The following XXYLT1 variants were observed in gnomAD, a reference collection of about 807,000 sequenced individuals.
XXYLT1 encodes the protein UDP-xylose:alpha-xyloside alpha-1,3-xylosyltransferase.
XXYLT1 carries 20 observed loss-of-function variants against 28.9 expected under a neutral mutation model. That is an observed-to-expected ratio of 0.69 (90% CI 0.49 to 1.00). The LOEUF is 1.00. Among genes scored for constraint, XXYLT1 ranks in the 50% least tolerant of loss-of-function variants. XXYLT1 has a pLI of 0.00. For synonymous variants in XXYLT1, 257 were observed against 253.8 expected (o/e 1.01, Z -0.12); for missense variants, 542 against 560.1 (o/e 0.97, Z 0.33).
chr3:195,234,266 T>C (rs1380866065), intron 1 of XXYLT1, among the ~76,000 whole-genome samples: 1 of 147,748 alleles, frequency 6.8e-6, no homozygotes, highest in African/African-American at 2.6e-5. Flanking sequence ...ATCAAGCTTT[T>C]GTTTGTCTGG....
At chr3:195,123,401 T>C (rs761684011) in intron 3 of XXYLT1, among the ~76,000 whole-genome samples, 6 of 152,174 alleles carry the variant, frequency 3.9e-5, no homozygotes, top group Non-Finnish European at 7.3e-5. Context: ...TGTACCAATC[T>C]TCCCTCTCCT....
At chr3:195,192,469 A>G (rs1722466737) in intron 2 of XXYLT1, among the ~76,000 whole-genome samples, 1 of 152,200 alleles carries the variant, frequency 6.6e-6, no homozygotes, top group African/African-American at 2.4e-5. Context: ...CTTCAAAAAA[A>G]TCTTTCAGAA....
At chr3:195,189,133 C>T (rs1304276364) in intron 2 of XXYLT1, among the ~76,000 whole-genome samples, 1 of 143,680 alleles carries the variant, frequency 7.0e-6, no homozygotes, top group East Asian at 1.9e-4. Flanking sequence ...ATATTATTTC[C>T]ATTTATAGAG....
intron 2 of XXYLT1, among the ~76,000 whole-genome samples, chr3:195,224,545 G>A (rs1226680319): frequency 6.6e-6 from 1 of 152,182 alleles, no homozygotes; most frequent in Non-Finnish European, 1.5e-5. Context: ...TATAGCTGGA[G>A]GCAGAAGAAT....
intron 1 of XXYLT1, among the ~76,000 whole-genome samples, chr3:195,234,149 C>A (rs573261026): frequency 6.6e-6 from 1 of 151,630 alleles, no homozygotes; most frequent in South Asian, 2.1e-4. Flanking sequence ...GATCTCCTGA[C>A]CTTGTGATCC....
At chr3:195,155,479 C>T (rs1720531557) in intron 3 of XXYLT1, among the ~76,000 whole-genome samples, 1 of 152,124 alleles carries the variant, frequency 6.6e-6, no homozygotes, top group African/African-American at 2.4e-5. Flanking sequence ...CTCTCCAGGC[C>T]CAGGGCCACA....
rs578121558 is a variant in XXYLT1 at position 195,151,180 on chromosome 3, A to T, written c.785+5269T>A. On this transcript the variant is annotated intron_variant, in intron 3 of 3. Transcript: ENST00000310380. ...GCCAGATCACCTGCTGCTGCTAAAAAGGGAAGTTTTACAATCGTGGGTAGA... is the reference window on the plus strand; with the variant it reads ...GCCAGATCACCTGCTGCTGCTAAAATGGGAAGTTTTACAATCGTGGGTAGA... Among the ~76,000 whole-genome samples, 213 of 152,302 alleles carry T rather than the reference A, an allele frequency of 1.4e-3. 1 individual carries two copies. Among genetic ancestry groups the T allele is most frequent in the African/African-American group, 4.7e-3 (197 of 41,566 alleles).
chr3:195,112,877 A>G (rs1577044803), intron 3 of XXYLT1, among the ~76,000 whole-genome samples: 1 of 44,158 alleles, frequency 2.3e-5, no homozygotes. Flanking sequence ...GCATGCACAC[A>G]TGTGCGCACA....
At chr3:195,249,352 C>A (rs962748708) in intron 1 of XXYLT1, among the ~76,000 whole-genome samples, 4 of 152,212 alleles carry the variant, frequency 2.6e-5, no homozygotes, top group Non-Finnish European at 5.9e-5. Flanking sequence ...ATAAAACAGG[C>A]ATAGGGCTCA....
intron 3 of XXYLT1, chr3:195,152,787 G>T (rs1310583310): frequency 6.6e-6 from 1 of 152,246 alleles, no homozygotes; most frequent in East Asian, 1.9e-4. Flanking sequence ...AAATGACACA[G>T]CTGGGGAGAT....
In XXYLT1 at chr3:195,179,682, C is replaced by T. The variant is rs1334162427; in HGVS notation, c.653-23101G>A. Among the ~76,000 whole-genome samples the T allele has an allele frequency of 2.0e-5, 3 of 151,926 alleles. No homozygotes were observed. In the East Asian group the frequency reaches 5.8e-4, roughly 29 times the overall value. ...GAAAAACCCCAAAAACAGAAACAAACCGGAGGCAAACAGCCCACACCGAGA... is the reference window on the plus strand; with the variant it reads ...GAAAAACCCCAAAAACAGAAACAAATCGGAGGCAAACAGCCCACACCGAGA... On this transcript the variant is annotated intron_variant, in intron 2 of 3. Coordinates refer to ENST00000310380, the MANE Select transcript of XXYLT1 (RefSeq NM_152531.5).
At chr3:195,102,721 C>T (rs528490480) in intron 3 of XXYLT1, among the ~76,000 whole-genome samples, 1 of 152,222 alleles carries the variant, frequency 6.6e-6, no homozygotes, top group Non-Finnish European at 1.5e-5. Flanking sequence ...TATCAACAGA[C>T]ATTTAGGTTC....
chr3:195,206,700 C>T (rs1432441853), intron 2 of XXYLT1, among the ~76,000 whole-genome samples: 2 of 151,494 alleles, frequency 1.3e-5, no homozygotes, highest in African/African-American at 4.9e-5. Flanking sequence ...ACCTGGAAGG[C>T]AGAGGTTGCA....
At chr3:195,248,163 C>T (rs1300059124) in intron 1 of XXYLT1, among the ~76,000 whole-genome samples, 1 of 151,808 alleles carries the variant, frequency 6.6e-6, no homozygotes, top group African/African-American at 2.4e-5. Context: ...GCACACGGAC[C>T]AACCACTTAG....
chr3:195,247,950 G>A (rs2108835924), intron 1 of XXYLT1: 1 of 576,542 alleles, frequency 1.7e-6, no homozygotes, highest in Non-Finnish European at 3.2e-6. Flanking sequence ...TCCCGCCCCT[G>A]TGGTCCAATC....
intron 2 of XXYLT1, chr3:195,214,936 C>T (rs371798671): frequency 6.6e-6 from 1 of 151,696 alleles, no homozygotes; most frequent in East Asian, 1.9e-4. Flanking sequence ...GTCGGGTTAC[C>T]CTCAAAGGGA....
chr3:195,089,788 C>T (rs1247681206), intron 3 of XXYLT1, among the ~76,000 whole-genome samples: 1 of 150,672 alleles, frequency 6.6e-6, no homozygotes, highest in South Asian at 2.1e-4. Flanking sequence ...ACCCATCTCA[C>T]ATGCAGAGAC....
In XXYLT1 at chr3:195,239,119, TATA is replaced by T; in HGVS notation, c.505-12266_505-12264del. Among the ~76,000 whole-genome samples the T allele has an allele frequency of 1.3e-5, 2 of 152,208 alleles. 1 individual carries two copies. The highest frequency in any genetic ancestry group is 3.8e-4 in the East Asian group (2 of 5,202). On this transcript the variant is annotated intron_variant, in intron 1 of 3. Coordinates refer to ENST00000310380, the MANE Select transcript of XXYLT1 (RefSeq NM_152531.5). ...CAAGCCTGCACCCATGAATATTTCA[TATA>T]ATAAATCTGCTTAAAGATAAATGAG...
At chr3:195,249,950 C>T (rs1446053034) in intron 1 of XXYLT1, among the ~76,000 whole-genome samples, 4 of 152,182 alleles carry the variant, frequency 2.6e-5, no homozygotes, top group Admixed American at 2.6e-4. Flanking sequence ...CCTCTCTCCC[C>T]AGAGCCAGGG....
Sources: gnomAD v4.1 joint callset for allele counts (sites outside exome capture counted in the v4.1 genomes callset) on GRCh38, gnomAD v4.1.1 for gene constraint, MANE v1.5 for transcripts, NCBI Gene and HGNC (gene_info 2026-07-23, HGNC 2026-07-21) for gene names.